The following DCAF16 variants were observed in gnomAD, a reference collection of about 807,000 sequenced individuals.
The protein encoded by DCAF16 is DDB1 and CUL4 associated factor 16.
In DCAF16, 10 loss-of-function variants were observed where a neutral mutation model predicts 17.3. That is an observed-to-expected ratio of 0.58 (90% confidence interval 0.36 to 0.98). The LOEUF is 0.98. DCAF16 is among the 50% of genes least tolerant of loss of function. The pLI is 0.01. For missense variants in DCAF16, 249 were observed against 247.6 expected (o/e 1.01, Z -0.04); for synonymous variants, 111 against 92.8 (o/e 1.20, Z -1.12).
chr4:17,797,425 T>C (rs1009166824), downstream of DCAF16, among the ~76,000 whole-genome samples: 1 of 152,146 alleles, frequency 6.6e-6, no homozygotes, highest in Non-Finnish European at 1.5e-5. Context: ...GTGTCCCAAG[T>C]AGGATGTGAC....
At chr4:17,798,375 T>G (rs1162402327), downstream of DCAF16, among the ~76,000 whole-genome samples, 4 of 144,648 alleles carry the variant, frequency 2.8e-5, no homozygotes. Context: ...GAGGCTGATG[T>G]GGGAGGATCA....
chr4:17,807,967 C>T (rs1430674828), intron 1 of DCAF16, among the ~76,000 whole-genome samples: 1 of 152,098 alleles, frequency 6.6e-6, no homozygotes, highest in Non-Finnish European at 1.5e-5. Flanking sequence ...ATATGAGTGG[C>T]TCAGTAAATA....
chr4:17,798,310 CTTTTTTTTTTTT>C (rs61478198), downstream of DCAF16, among the ~76,000 whole-genome samples: 1 of 131,278 alleles, frequency 7.6e-6, no homozygotes, highest in African/African-American at 2.9e-5. Flanking sequence ...TGTTATTTTC[CTTTTTTTTTTTT>C]TTTTTTTTTA....
rs1719910575 is a variant in DCAF16, at chr4:17,802,735, C to T, written c.*756G>A. Reference sequence around the variant, plus strand: ...GCTGGGAAAGAAATTCATAGCCCTGCCATTTTCCTTTGTGTAGTTACTCAA... The same window carrying T: ...GCTGGGAAAGAAATTCATAGCCCTGTCATTTTCCTTTGTGTAGTTACTCAA... On this transcript the variant is annotated 3_prime_UTR_variant, in exon 3 of 3. Coordinates refer to ENST00000382247, the MANE Select transcript of DCAF16 (RefSeq NM_017741.4). 6.6e-6 allele frequency: 1 copy of T among 152,074 alleles called. No individual in the cohort carries two copies. Among genetic ancestry groups the T allele is most frequent in the Non-Finnish European group, 1.5e-5 (1 of 68,014 alleles). 9.4% of individuals were successfully genotyped at this position (152,074 alleles called of 1,614,324 possible). A position where few individuals can be genotyped will look rare whatever the true frequency, so the allele number is the denominator to read the frequency against.
rs1162439934 is a variant in DCAF16 at position 17,802,392 on chromosome 4, A to C, written c.*1099T>G. 1 of 152,472 alleles carries C rather than the reference A, an allele frequency of 6.6e-6. No homozygotes were observed. The highest frequency in any genetic ancestry group is 1.5e-5 in the Non-Finnish European group (1 of 68,044). The allele number at this position is 152,472 out of a possible 1,614,324, so 9.4% of individuals were successfully genotyped here. Reference sequence around the variant, plus strand: ...CTTATAGGCTGATTTAGTCAGAGACAGCCTGGTGGGAGACTCCGATATAGA... The same window carrying C: ...CTTATAGGCTGATTTAGTCAGAGACCGCCTGGTGGGAGACTCCGATATAGA... On this transcript the variant is annotated 3_prime_UTR_variant, in exon 3 of 3. Transcript: ENST00000382247.
rs1422871310 is a variant in DCAF16, at chr4:17,804,174, G to GT, written c.-34dup. On this transcript the variant is annotated 5_prime_UTR_variant, in exon 3 of 3. Transcript: ENST00000382247. ...AAACACAGTAAGGAACCAGAAAAAG[G>GT]TAATAATCTAAGCCAGCAGAACACT... 1 of 1,569,184 alleles carries GT rather than the reference G, an allele frequency of 6.4e-7. No homozygotes were observed. Among genetic ancestry groups the GT allele is most frequent in the East Asian group, 2.2e-5 (1 of 44,664 alleles).
At chr4:17,809,438 T>C (rs745638809) in intron 1 of DCAF16, 2 of 152,226 alleles carry the variant, frequency 1.3e-5, no homozygotes, top group Non-Finnish European at 1.5e-5. Flanking sequence ...AATATCCTCA[T>C]TCAGGGATTT....
intron 1 of DCAF16, among the ~76,000 whole-genome samples, chr4:17,805,756 G>A (rs1019134489): frequency 4.6e-5 from 7 of 152,212 alleles, no homozygotes; most frequent in African/African-American, 1.7e-4. Flanking sequence ...GAGATCAGGA[G>A]TTCAAGACCA....
the DCAF16 span, among the ~76,000 whole-genome samples, chr4:17,794,350 C>T: frequency 1.3e-5 from 2 of 152,050 alleles, no homozygotes; most frequent in African/African-American, 2.4e-5. Flanking sequence ...TTTTAATAAA[C>T]TGTTGTGTGC....
downstream of DCAF16, among the ~76,000 whole-genome samples, chr4:17,798,397 G>C (rs1171689538): frequency 6.7e-6 from 1 of 149,810 alleles, no homozygotes; most frequent in Non-Finnish European, 1.5e-5. Context: ...TTGAGCTCAG[G>C]AGTTCCTGAC....
the DCAF16 span, among the ~76,000 whole-genome samples, chr4:17,794,915 C>A: frequency 6.6e-6 from 1 of 152,168 alleles, no homozygotes; most frequent in Non-Finnish European, 1.5e-5. Context: ...CTTCCTGGAA[C>A]CTCTGTCCTA....
At chr4:17,794,826 T>A in the DCAF16 span, among the ~76,000 whole-genome samples, 1 of 152,192 alleles carries the variant, frequency 6.6e-6, no homozygotes, top group Non-Finnish European at 1.5e-5. Flanking sequence ...TTCTAAGAAA[T>A]AAAATTTCAA....
At position 17,801,794 on chromosome 4, in the gene DCAF16, T is replaced by C. The variant is rs1396504283; in HGVS notation, c.*1697A>G. 1.3e-5 allele frequency: 2 copies of C among 152,134 alleles called. No homozygotes were observed. The highest frequency in any genetic ancestry group is 2.9e-5 in the Non-Finnish European group (2 of 68,036). 9.4% of individuals were successfully genotyped at this position (152,134 alleles called of 1,614,324 possible). A position where few individuals can be genotyped will look rare whatever the true frequency, so the allele number is the denominator to read the frequency against. On this transcript the variant is annotated 3_prime_UTR_variant, in exon 3 of 3. Transcript: ENST00000382247. ...TGCTGCTAAAACTCTTAACTTCAGATTGTATTAGGCTGAGATTTTCTAATA... is the reference window on the plus strand; with the variant it reads ...TGCTGCTAAAACTCTTAACTTCAGACTGTATTAGGCTGAGATTTTCTAATA...
chr4:17,797,044 C>A (rs980095183), downstream of DCAF16, among the ~76,000 whole-genome samples: 4 of 152,048 alleles, frequency 2.6e-5, no homozygotes, highest in Admixed American at 2.0e-4. Flanking sequence ...CCCACTGCAA[C>A]CTCAAACTCC....
At position 17,803,389 on chromosome 4, in the gene DCAF16, A is replaced by C. The variant is rs1719973761; in HGVS notation, c.*102T>G. The C allele has an allele frequency of 8.9e-7, 1 of 1,129,504 alleles. No individual in the cohort carries two copies. Among genetic ancestry groups the C allele is most frequent in the African/African-American group, 1.6e-5 (1 of 64,452 alleles). The allele number at this position is 1,129,504 out of a possible 1,614,324, so 70.0% of individuals were successfully genotyped here. ...ATCCTCATTGGCTTGCCAGGGCATA[A>C]GAGAGTTTGACTGAGAAGGCATTAG... is the stretch of plus-strand genomic sequence containing the variant. On this transcript the variant is annotated 3_prime_UTR_variant, in exon 3 of 3. Transcript: ENST00000382247.
downstream of DCAF16, among the ~76,000 whole-genome samples, chr4:17,795,759 G>T (rs1169683083): frequency 1.3e-5 from 2 of 152,116 alleles, no homozygotes; most frequent in Non-Finnish European, 2.9e-5. Flanking sequence ...CATGTTGAAG[G>T]TTTCCTCAAA....
At chr4:17,810,199 T>C (rs970293745) in intron 1 of DCAF16, among the ~76,000 whole-genome samples, 4 of 152,196 alleles carry the variant, frequency 2.6e-5, no homozygotes, top group African/African-American at 9.7e-5. Flanking sequence ...GTTCCTACTC[T>C]TCTTTATTTT....
At chr4:17,800,247 T>C (rs1719645402), downstream of DCAF16, among the ~76,000 whole-genome samples, 1 of 152,140 alleles carries the variant, frequency 6.6e-6, no homozygotes, top group Non-Finnish European at 1.5e-5. Context: ...TTGATAAATA[T>C]TTCTATAAAT....
downstream of DCAF16, among the ~76,000 whole-genome samples, chr4:17,795,745 C>G (rs1719399603): frequency 6.6e-6 from 1 of 152,158 alleles, no homozygotes; most frequent in Admixed American, 6.5e-5. Context: ...TTATGTTCAT[C>G]TTTCATGTTG....
Sources: allele counts gnomAD v4.1 joint callset (sites outside exome capture counted in the v4.1 genomes callset), GRCh38; gene constraint gnomAD v4.1.1; transcripts MANE v1.5; gene names NCBI Gene and HGNC (gene_info 2026-07-23, HGNC 2026-07-21).